Variants in MAP2 observed in about 807,000 individuals in gnomAD.
MAP2 encodes microtubule associated protein 2, also known as microtubule-associated protein 2.
Under a neutral mutation model 137.6 loss-of-function variants are expected in MAP2, and 14 were observed. That is an observed-to-expected ratio of 0.10 (90% CI 0.07 to 0.16). MAP2 has a LOEUF of 0.16. Ranked by LOEUF, MAP2 falls within the 10% of genes least tolerant of loss-of-function variation. The pLI is 1.00. For synonymous variants in MAP2, 786 were observed against 782.3 expected, an observed-to-expected ratio of 1.00 and a Z score of -0.08; for missense variants, 2,088 against 2,191.5, an observed-to-expected ratio of 0.95 and a Z score of 0.94.
chr2:209,712,681 G>T (rs1331996538), intron 13 of MAP2, among the ~76,000 whole-genome samples: 1 of 152,062 alleles, frequency 6.6e-6, no homozygotes, highest in African/African-American at 2.4e-5. Context: ...CAACACTTCA[G>T]CACTCTCCCC....
intron 2 of MAP2, among the ~76,000 whole-genome samples, chr2:209,564,242 G>C (rs2072871345): frequency 6.6e-6 from 1 of 152,188 alleles, no homozygotes; most frequent in Non-Finnish European, 1.5e-5. Flanking sequence ...ATATAATTCA[G>C]TATGCTTTGT....
At position 209,653,291 on chromosome 2, in the gene MAP2, C is replaced by T; in HGVS notation, c.121C>T (p.Leu41Phe). 6.2e-7 allele frequency: 1 copy of T among 1,614,146 alleles called. No homozygotes were observed. The highest frequency in any genetic ancestry group is 8.5e-7 in the Non-Finnish European group (1 of 1,180,028). Residue 41 changes from leucine (L) to phenylalanine (F), a missense_variant, in exon 5 of 16, where the codon CTT becomes TTT. Leu to Phe is a conservative substitution (Grantham distance 22, BLOSUM62 0). Transcript: ENST00000682079. ...IKDQGGAGEG[L>F]VRSANGFPYR... Reference sequence around the variant, plus strand: ...GGATCAAGGCGGAGCAGGGGAAGGACTTGTCCGAAGCGCCAATGGATTCCC... The same window carrying T: ...GGATCAAGGCGGAGCAGGGGAAGGATTTGTCCGAAGCGCCAATGGATTCCC...
At chr2:209,504,561 A>G (rs2060800101) in intron 1 of MAP2, among the ~76,000 whole-genome samples, 1 of 152,148 alleles carries the variant, frequency 6.6e-6, no homozygotes, top group African/African-American at 2.4e-5. Flanking sequence ...CCTGGTATTC[A>G]TTGCTCAGTA....
chr2:209,649,907 A>G (rs2094667596), intron 4 of MAP2, among the ~76,000 whole-genome samples: 1 of 152,220 alleles, frequency 6.6e-6, no homozygotes, highest in South Asian at 2.1e-4. Context: ...GTTTTTATTA[A>G]CTAATTTTAA....
chr2:209,517,030 T>C (rs2062606468), intron 2 of MAP2, among the ~76,000 whole-genome samples: 2 of 152,130 alleles, frequency 1.3e-5, no homozygotes, highest in Non-Finnish European at 2.9e-5. Context: ...TAATAATTAC[T>C]AATGTCACCT....
chr2:209,460,687 CTCTT>C (rs1298639908), intron 1 of MAP2, among the ~76,000 whole-genome samples: 3 of 148,678 alleles, frequency 2.0e-5, no homozygotes, highest in Admixed American at 6.8e-5. Flanking sequence ...AACAAATTTT[CTCTT>C]TCTTCTGTTT....
intron 2 of MAP2, among the ~76,000 whole-genome samples, chr2:209,547,785 G>A (rs1340438973): frequency 6.6e-6 from 1 of 152,066 alleles, no homozygotes; most frequent in Non-Finnish European, 1.5e-5. Context: ...TAAAATAAGG[G>A]TTAATTTTTG....
Position 209,558,762 on chromosome 2 carries a change from A to G in MAP2, c.-171-21274A>G, listed in dbSNP as rs576960553. 4.0e-5 allele frequency among the ~76,000 whole-genome samples: 6 copies of G among 151,654 alleles called. No individual in the cohort carries two copies. The East Asian group carries it at 1.2e-3, about 29-fold the overall frequency. Reference sequence around the variant, plus strand: ...AGTCTCCTTTAATCTAGTAACCAGCACCTGCTTTTTTAAAATTTTGTGACG... The same window carrying G: ...AGTCTCCTTTAATCTAGTAACCAGCGCCTGCTTTTTTAAAATTTTGTGACG... On this transcript the variant is annotated intron_variant, in intron 2 of 15. Transcript: ENST00000682079.
Position 209,695,987 on chromosome 2 carries a change from T to A in MAP2, c.3817T>A (p.Cys1273Ser), listed in dbSNP as rs757386672. 6.2e-7 allele frequency: 1 copy of A among 1,614,126 alleles called. No homozygotes were observed. Among genetic ancestry groups the A allele is most frequent in the Non-Finnish European group, 8.5e-7 (1 of 1,180,014 alleles). The part of the protein sequence containing the change: ...SGAREEFVET[C>S]PSEHKGVIES... ...TGCCAGGGAGGAATTTGTGGAGACC[T>A]GCCCAAGTGAACACAAAGGAGTGAT... Residue 1273 changes from cysteine to serine, a missense_variant, in exon 8 of 16, where the codon TGC (cysteine) becomes AGC (serine). Coordinates refer to ENST00000682079, the MANE Select transcript of MAP2 (RefSeq NM_001375505.1).
chr2:209,582,653 TAGATGATAGATAGATAGATA>T (rs1413331694), intron 3 of MAP2, among the ~76,000 whole-genome samples: 7 of 134,712 alleles, frequency 5.2e-5, no homozygotes, highest in Admixed American at 1.6e-4. Context: ...GATAGATAGA[TAGATGATAGATAGATAGATA>T]GATAGATAGA....
chr2:209,470,011 C>T (rs879083571), intron 1 of MAP2, among the ~76,000 whole-genome samples: 1 of 152,294 alleles, frequency 6.6e-6, no homozygotes, highest in Admixed American at 6.5e-5. Context: ...CTACTGGTTT[C>T]TGTTCTGTAG....
At chr2:209,497,859 C>G (rs934591721) in intron 1 of MAP2, among the ~76,000 whole-genome samples, 1 of 152,154 alleles carries the variant, frequency 6.6e-6, no homozygotes, top group African/African-American at 2.4e-5. Flanking sequence ...ACCTCCAGCA[C>G]TGGGGATTAC....
chr2:209,455,121 G>A (rs1480638493), intron 1 of MAP2, among the ~76,000 whole-genome samples: 4 of 152,090 alleles, frequency 2.6e-5, no homozygotes, highest in Non-Finnish European at 4.4e-5. Flanking sequence ...CCTCCGAAAG[G>A]CCCCATCTCC....
intron 2 of MAP2, among the ~76,000 whole-genome samples, chr2:209,575,126 C>T (rs2075094327): frequency 6.6e-6 from 1 of 152,106 alleles, no homozygotes; most frequent in African/African-American, 2.4e-5. Context: ...TAGCCCCATG[C>T]TAGGTACTTT....
At chr2:209,704,177 A>ATCTT (rs2062648896) in intron 11 of MAP2, 1 of 396,116 alleles carries the variant, frequency 2.5e-6, no homozygotes, top group Admixed American at 3.5e-5. Context: ...GTGTGTACCC[A>ATCTT]TTGTTTAGCT....
chr2:209,476,893 A>G (rs1016938431), intron 1 of MAP2, among the ~76,000 whole-genome samples: 1 of 152,204 alleles, frequency 6.6e-6, no homozygotes, highest in Non-Finnish European at 1.5e-5. Context: ...TATTCTGCAC[A>G]TGTAAAGGCA....
At chr2:209,599,367 C>T (rs1158996357) in intron 3 of MAP2, among the ~76,000 whole-genome samples, 1 of 151,906 alleles carries the variant, frequency 6.6e-6, no homozygotes, top group Non-Finnish European at 1.5e-5. Context: ...CAGATTTATT[C>T]TCTTCTCTTC....
chr2:209,428,927 A>T (rs1161741605), intron 1 of MAP2, among the ~76,000 whole-genome samples: 5 of 29,590 alleles, frequency 1.7e-4, no homozygotes, highest in African/African-American at 6.9e-4. Flanking sequence ...ATTTTATTTT[A>T]TTTATTTATT....
chr2:209,678,578 T>G lies in MAP2; in HGVS notation c.269T>G (p.Val90Gly). The change falls in exon 6 of 16, where the codon GTG becomes GGG. Residue 90 changes from valine (V) to glycine (G), a missense_variant. Physicochemically the swap from Val to Gly is moderately radical, Grantham distance 109. Around this residue, in one of 6 missense-constraint regions of MAP2, gnomAD observed 859 missense variants for 794.5 expected, o/e 1.08. Transcript: ENST00000682079. ...TTGTTACTGTTTATTACAGAGGAGG[T>G]GTCTGCAAGGATAGTTCAAGTAGTC... ...TSADRETAEE[V>G]SARIVQVVTA... 6.5e-7 allele frequency: 1 copy of G among 1,541,448 alleles called. No individual in the cohort carries two copies. Among genetic ancestry groups the G allele is most frequent in the Non-Finnish European group, 8.8e-7 (1 of 1,134,578 alleles).
Sources: gnomAD v4.1 joint callset for allele counts (sites outside exome capture counted in the v4.1 genomes callset) on GRCh38, gnomAD v4.1.1 for gene constraint, gnomAD v4.1.1 regional missense constraint, MANE v1.5 for transcripts, NCBI Gene and HGNC (gene_info 2026-07-23, HGNC 2026-07-21) for gene names.